The following FGF14 variants were observed in gnomAD, a reference collection of about 807,000 sequenced individuals.
The protein encoded by FGF14 is fibroblast growth factor homologous factor 4.
FGF14 carries 5 observed loss-of-function variants against 25.5 expected under a neutral mutation model. The observed-to-expected ratio is 0.20, with a 90% CI of 0.10 to 0.41. The LOEUF is 0.41. Ranked by LOEUF, FGF14 falls within the 10% of genes least tolerant of loss-of-function variation. The pLI is 1.00. For synonymous variants in FGF14, 138 were observed against 118.3 expected (o/e 1.17, Z -1.08); for missense variants, 222 against 320.1 (o/e 0.69, Z 2.34).
intron 3 of FGF14, among the ~76,000 whole-genome samples, chr13:101,757,068 T>C (rs1321396612): frequency 1.3e-5 from 2 of 152,184 alleles, no homozygotes; most frequent in East Asian, 3.9e-4. Flanking sequence ...ATAACACAAA[T>C]GTTTTACTTT....
At chr13:102,056,480 A>G (rs1387870939) in intron 1 of FGF14, among the ~76,000 whole-genome samples, 2 of 152,198 alleles carry the variant, frequency 1.3e-5, no homozygotes, top group Admixed American at 6.5e-5. Context: ...AATCCTTCTC[A>G]GAGAATATGG....
chr13:102,225,935 A>G (rs2050807221), intron 1 of FGF14, among the ~76,000 whole-genome samples: 2 of 152,180 alleles, frequency 1.3e-5, no homozygotes, highest in South Asian at 4.1e-4. Context: ...TCGTGGCCGC[A>G]TATTTATTCA....
intron 1 of FGF14, among the ~76,000 whole-genome samples, chr13:101,964,722 T>TA (rs559629667): frequency 6.6e-6 from 1 of 152,030 alleles, no homozygotes; most frequent in African/African-American, 2.4e-5. Flanking sequence ...TTCTAGCAAT[T>TA]AAAGAATAGT....
At chr13:102,131,086 C>T (rs2046176230) in intron 1 of FGF14, among the ~76,000 whole-genome samples, 1 of 152,190 alleles carries the variant, frequency 6.6e-6, no homozygotes, top group African/African-American at 2.4e-5. Context: ...AAGCAAAATT[C>T]TCCAATTGAT....
At chr13:102,384,184 G>A (rs1351388687) in intron 1 of FGF14, among the ~76,000 whole-genome samples, 2 of 151,896 alleles carry the variant, frequency 1.3e-5, no homozygotes, top group Non-Finnish European at 2.9e-5. Flanking sequence ...TAAAACTTGT[G>A]GGTAGGAAAA....
chr13:102,302,273 T>C (rs902490733), intron 1 of FGF14, among the ~76,000 whole-genome samples: 2 of 152,148 alleles, frequency 1.3e-5, no homozygotes, highest in African/African-American at 4.8e-5. Flanking sequence ...TCTCACTTGA[T>C]CCATCAGCAG....
chr13:101,817,571 C>G (rs1436957651), intron 3 of FGF14, among the ~76,000 whole-genome samples: 1 of 152,178 alleles, frequency 6.6e-6, no homozygotes, highest in Non-Finnish European at 1.5e-5. Flanking sequence ...GCAATATAGT[C>G]TTTGAAAAGG....
intron 1 of FGF14, among the ~76,000 whole-genome samples, chr13:101,891,008 G>A (rs138102147): frequency 6.6e-6 from 1 of 152,162 alleles, no homozygotes; most frequent in East Asian, 1.9e-4. Flanking sequence ...AGTGGATGGT[G>A]GTTTCAGAAC....
At chr13:101,971,764 T>C (rs1445562098) in intron 1 of FGF14, among the ~76,000 whole-genome samples, 1 of 152,270 alleles carries the variant, frequency 6.6e-6, no homozygotes, top group East Asian at 1.9e-4. Flanking sequence ...CCACCTAGGA[T>C]GTGTCAGAGT....
chr13:102,196,845 C>T lies in FGF14; in HGVS notation c.208+204626G>A, dbSNP rs188147399. ...CAACATCTACCCCCTTTCCATCCAT[C>T]CCCCTTTGTCAGGCCCTTTTCAGAG... On this transcript the variant is annotated intron_variant, in intron 1 of 4. Coordinates refer to the FGF14 transcript ENST00000376131. Among the ~76,000 whole-genome samples, 720 of 152,298 alleles carry T rather than the reference C, an allele frequency of 4.7e-3. 3 individuals carry two copies. Among genetic ancestry groups the T allele is most frequent in the African/African-American group, 0.016 (656 of 41,570 alleles).
chr13:101,967,482 T>C (rs1478799577), intron 1 of FGF14, among the ~76,000 whole-genome samples: 1 of 152,216 alleles, frequency 6.6e-6, no homozygotes, highest in East Asian at 1.9e-4. Flanking sequence ...TGAGAACATT[T>C]ATGCTGTGTG....
At chr13:102,048,870 T>G (rs7318815) in intron 1 of FGF14, among the ~76,000 whole-genome samples, 6,277 of 152,298 alleles carry the variant, frequency 0.041, 423 homozygotes, top group African/African-American at 0.14. Flanking sequence ...TCTTATTGAT[T>G]ACTCTGGATT....
intron 1 of FGF14, among the ~76,000 whole-genome samples, chr13:102,082,363 G>A (rs1566661345): frequency 6.6e-6 from 1 of 151,870 alleles, no homozygotes; most frequent in Admixed American, 6.6e-5. Context: ...CATTACAGAA[G>A]AGAAAGCAGT....
intron 1 of FGF14, among the ~76,000 whole-genome samples, chr13:101,932,113 C>T (rs549273217): frequency 1.2e-4 from 18 of 152,344 alleles, no homozygotes; most frequent in African/African-American, 4.3e-4. Context: ...TGCTGACCTG[C>T]AGCCTTGCTC....
intron 1 of FGF14, among the ~76,000 whole-genome samples, chr13:102,307,045 G>C (rs1319160961): frequency 1.3e-5 from 2 of 152,038 alleles, no homozygotes; most frequent in Non-Finnish European, 2.9e-5. Flanking sequence ...TTCAATCATA[G>C]GAGGCCTTAA....
chr13:102,155,821 G>A (rs1355400874), intron 1 of FGF14, among the ~76,000 whole-genome samples: 1 of 152,010 alleles, frequency 6.6e-6, no homozygotes, highest in Non-Finnish European at 1.5e-5. Flanking sequence ...AAATGATAAA[G>A]GGGATATCAC....
intron 1 of FGF14, among the ~76,000 whole-genome samples, chr13:102,062,680 A>G (rs1376023225): frequency 6.6e-6 from 1 of 152,182 alleles, no homozygotes; most frequent in African/African-American, 2.4e-5. Flanking sequence ...TTCAAGCAGT[A>G]GAATGCCTGA....
intron 1 of FGF14, among the ~76,000 whole-genome samples, chr13:101,991,257 T>C (rs1244967051): frequency 2.0e-5 from 3 of 152,160 alleles, no homozygotes; most frequent in Non-Finnish European, 4.4e-5. Flanking sequence ...AAATACCTAA[T>C]ATATTCTTGA....
chr13:102,055,192 CAT>C (rs1158605632), intron 1 of FGF14, among the ~76,000 whole-genome samples: 2 of 152,196 alleles, frequency 1.3e-5, no homozygotes, highest in Non-Finnish European at 2.9e-5. Context: ...GCCTCATGCA[CAT>C]GTTTTTCTAG....
Sources: allele counts gnomAD v4.1 joint callset (sites outside exome capture counted in the v4.1 genomes callset), GRCh38; gene constraint gnomAD v4.1.1; transcripts MANE v1.5; gene names NCBI Gene and HGNC (gene_info 2026-07-23, HGNC 2026-07-21).